DACH1: variants seen among roughly 807,000 people sequenced by gnomAD.
The protein encoded by DACH1 is dachshund homolog 1.
Under a neutral mutation model 54.2 loss-of-function variants are expected in DACH1, and 12 were observed. The ratio of observed to expected loss-of-function variants is 0.22; its 90% confidence interval spans 0.14 to 0.36. DACH1 has a LOEUF of 0.36. Ranked by LOEUF, DACH1 falls within the 10% of genes least tolerant of loss-of-function variation. The pLI, the probability that DACH1 is intolerant of heterozygous loss-of-function variation, is 1.00. For synonymous variants in DACH1, 386 were observed against 366.2 expected, an observed-to-expected ratio of 1.05 and a Z score of -0.62; for missense variants, 805 against 929.8, an observed-to-expected ratio of 0.87 and a Z score of 1.75.
chr13:71,529,183 G>GTTTTTTTTTTGTTTTTTT (rs1299574030), intron 6 of DACH1, among the ~76,000 whole-genome samples: 1 of 80,980 alleles, frequency 1.2e-5, no homozygotes, highest in African/African-American at 4.4e-5. Flanking sequence ...TGTGATTTGG[G>GTTTTTTTTTTGTTTTTTT]TTTTTTTTTT....
intron 1 of DACH1, among the ~76,000 whole-genome samples, chr13:71,785,220 C>T (rs1486415491): frequency 6.6e-6 from 1 of 152,042 alleles, no homozygotes; most frequent in Admixed American, 6.6e-5. Flanking sequence ...GTATCTTTGT[C>T]ATCTGCTTCA....
At chr13:71,847,513 A>G (rs959786315) in intron 1 of DACH1, among the ~76,000 whole-genome samples, 3 of 152,206 alleles carry the variant, frequency 2.0e-5, no homozygotes, top group African/African-American at 4.8e-5. Flanking sequence ...TTCAAGTTAT[A>G]AAGTCTATTT....
intron 3 of DACH1, among the ~76,000 whole-genome samples, chr13:71,620,076 G>C (rs975184232): frequency 6.6e-6 from 1 of 151,888 alleles, no homozygotes; most frequent in Non-Finnish European, 1.5e-5. Context: ...TGACCACCTT[G>C]ATAAGATGTT....
At chr13:71,667,043 C>T (rs1290967405) in intron 2 of DACH1, among the ~76,000 whole-genome samples, 1 of 151,928 alleles carries the variant, frequency 6.6e-6, no homozygotes, top group East Asian at 1.9e-4. Flanking sequence ...ATTTTATGTA[C>T]AGTTTTTTTC....
intron 3 of DACH1, among the ~76,000 whole-genome samples, chr13:71,614,309 C>T (rs1875585100): frequency 6.6e-6 from 1 of 152,104 alleles, no homozygotes; most frequent in African/African-American, 2.4e-5. Context: ...TGCTTTCATA[C>T]ACATTAATCC....
chr13:71,545,218 T>C (rs1008432956), intron 6 of DACH1, among the ~76,000 whole-genome samples: 1 of 152,044 alleles, frequency 6.6e-6, no homozygotes, highest in African/African-American at 2.4e-5. Context: ...AGGACTTAAA[T>C]AGAGAAGTCT....
intron 3 of DACH1, among the ~76,000 whole-genome samples, chr13:71,617,434 T>C (rs545204300): frequency 6.6e-6 from 1 of 152,338 alleles, no homozygotes; most frequent in South Asian, 2.1e-4. Context: ...CATGAGTTTA[T>C]GATACAGAAA....
At chr13:71,708,990 C>A (rs942853707) in intron 1 of DACH1, among the ~76,000 whole-genome samples, 1 of 151,308 alleles carries the variant, frequency 6.6e-6, no homozygotes, top group African/African-American at 2.4e-5. Context: ...GTAGCTGGGA[C>A]TACAGGCGCC....
At chr13:71,487,595 T>A (rs1440391277) in intron 7 of DACH1, among the ~76,000 whole-genome samples, 1 of 152,200 alleles carries the variant, frequency 6.6e-6, no homozygotes, top group Admixed American at 6.5e-5. Context: ...GCTCTTCAGA[T>A]GAGCATGCTG....
chr13:71,572,030 G>C (rs570059217), intron 4 of DACH1, among the ~76,000 whole-genome samples: 3 of 152,226 alleles, frequency 2.0e-5, no homozygotes, highest in Admixed American at 1.3e-4. Context: ...AAATTTAAGT[G>C]TATTGTATTC....
At chr13:71,532,642 A>T (rs1882489850) in intron 6 of DACH1, among the ~76,000 whole-genome samples, 1 of 152,024 alleles carries the variant, frequency 6.6e-6, no homozygotes, top group African/African-American at 2.4e-5. Flanking sequence ...GGATCCTGGT[A>T]CCTAGTAGGC....
intron 1 of DACH1, among the ~76,000 whole-genome samples, chr13:71,801,501 A>G (rs1474592956): frequency 5.9e-5 from 9 of 152,098 alleles, no homozygotes. Context: ...CAGAAACTAA[A>G]AGTAATTTTA....
At chr13:71,738,042 A>G (rs1277359754) in intron 1 of DACH1, among the ~76,000 whole-genome samples, 1 of 152,188 alleles carries the variant, frequency 6.6e-6, no homozygotes, top group Admixed American at 6.5e-5. Context: ...TTCCGAGGAG[A>G]AAAACGGACA....
chr13:71,473,520 A>T (rs553983024), intron 10 of DACH1, among the ~76,000 whole-genome samples: 9 of 152,362 alleles, frequency 5.9e-5, no homozygotes, highest in African/African-American at 2.2e-4. Flanking sequence ...ATGTTTGAAC[A>T]TATGTAAATT....
chr13:71,727,362 C>T (rs1294458034), intron 1 of DACH1, among the ~76,000 whole-genome samples: 1 of 151,962 alleles, frequency 6.6e-6, no homozygotes, highest in Non-Finnish European at 1.5e-5. Context: ...CAAATGTCTG[C>T]TCCTTGATTA....
intron 1 of DACH1, among the ~76,000 whole-genome samples, chr13:71,863,842 A>T (rs900647515): frequency 1.3e-5 from 2 of 149,532 alleles, no homozygotes; most frequent in Admixed American, 1.4e-4. Flanking sequence ...GTGCTGTAAG[A>T]AACACATAAA....
intron 6 of DACH1, among the ~76,000 whole-genome samples, chr13:71,548,597 T>C (rs958520437): frequency 6.6e-6 from 1 of 152,132 alleles, no homozygotes; most frequent in Admixed American, 6.6e-5. Context: ...CACTAAACAA[T>C]GTTGGATTGT....
intron 2 of DACH1, among the ~76,000 whole-genome samples, chr13:71,654,468 A>ATAAAATAAAATAAAG: frequency 9.6e-6 from 1 of 104,606 alleles, no homozygotes; most frequent in Non-Finnish European, 1.7e-5. Context: ...GTAAAATAAA[A>ATAAAATAAAATAAAG]TAAAATAAAA....
chr13:71,493,554 A>G (rs1879166115), intron 6 of DACH1, among the ~76,000 whole-genome samples: 1 of 152,190 alleles, frequency 6.6e-6, no homozygotes, highest in South Asian at 2.1e-4. Flanking sequence ...ATGGATAACT[A>G]AAACAGTATG....
Sources: allele counts gnomAD v4.1 joint callset (sites outside exome capture counted in the v4.1 genomes callset), GRCh38; gene constraint gnomAD v4.1.1; transcripts MANE v1.5; gene names NCBI Gene and HGNC (gene_info 2026-07-23, HGNC 2026-07-21).